The following NMT2 variants were observed in gnomAD, a reference collection of about 807,000 sequenced individuals.
The protein encoded by NMT2 is glycylpeptide N-tetradecanoyltransferase 2.
A neutral mutation model predicts 65.4 loss-of-function variants in NMT2; 35 were observed. The observed-to-expected ratio is 0.54, with a 90% CI of 0.41 to 0.71. The LOEUF (loss-of-function observed/expected upper bound fraction) is 0.71. Ranked by LOEUF, NMT2 falls within the 30% of genes least tolerant of loss-of-function variation. The pLI is 0.00. For synonymous variants in NMT2, 226 were observed against 231.8 expected (o/e 0.98, Z 0.23); for missense variants, 489 against 611.3 (o/e 0.80, Z 2.11).
chr10:15,127,246 A>C lies in NMT2; in HGVS notation c.999+1104T>G, dbSNP rs545219040. 2.8e-5 allele frequency among the ~76,000 whole-genome samples: 4 copies of C among 142,516 alleles called. No individual in the cohort carries two copies. In the East Asian group the frequency reaches 8.4e-4, roughly 30 times the overall value. The allele number at this position is 142,516 out of a possible 152,430, so 93.5% of individuals were successfully genotyped here. ...CGAGACTCTGTCTCAAAAAATAAAA[A>C]AATAAAAAAAATAACTTTTCGCCAG... is the stretch of plus-strand genomic sequence containing the variant. On this transcript the variant is annotated intron_variant, in intron 8 of 11. Transcript: ENST00000378165.
At chr10:15,168,411 C>T (rs1564598427) in intron 1 of NMT2, 92 bp downstream of exon 1, 4 of 921,216 alleles carry the variant, frequency 4.3e-6, no homozygotes, top group Non-Finnish European at 5.0e-6. Flanking sequence ...GGCCGAAGAA[C>T]CCCCAGTCCT....
intron 3 of NMT2, among the ~76,000 whole-genome samples, chr10:15,133,930 G>T (rs550206272): frequency 4.6e-5 from 7 of 152,272 alleles, no homozygotes; most frequent in African/African-American, 1.4e-4. Context: ...TTGTCATCCA[G>T]TGACAAAGAT....
rs973479031 is a variant in NMT2, at chr10:15,119,618, G to A, written c.1000-105C>T. 25 of 877,464 alleles carry A rather than the reference G, an allele frequency of 2.8e-5. No individual in the cohort carries two copies. In the East Asian group the frequency reaches 3.0e-4, roughly 11 times the overall value. The allele number at this position is 877,464 out of a possible 1,614,324, so 54.4% of individuals were successfully genotyped here. On this transcript the variant is annotated intron_variant, in intron 8 of 11. Coordinates refer to ENST00000378165, the MANE Select transcript of NMT2 (RefSeq NM_004808.3). Reference sequence around the variant, plus strand: ...TGCAGACCAGCAGAATGAGCAGCACGCGGGAGCTAGTTAGAGCTGCAGAGC... The same window carrying A: ...TGCAGACCAGCAGAATGAGCAGCACACGGGAGCTAGTTAGAGCTGCAGAGC...
chr10:15,140,024 C>T (rs1846686947), intron 2 of NMT2, among the ~76,000 whole-genome samples: 1 of 151,166 alleles, frequency 6.6e-6, no homozygotes, highest in African/African-American at 2.4e-5. Context: ...GTGCAGTACC[C>T]AGGCAAAGGC....
chr10:15,116,622 C>T (rs1845756213), intron 9 of NMT2, among the ~76,000 whole-genome samples: 1 of 152,026 alleles, frequency 6.6e-6, no homozygotes, highest in South Asian at 2.1e-4. Context: ...GAATATCCAA[C>T]AAAAGTCTGG....
intron 10 of NMT2, among the ~76,000 whole-genome samples, 195 bp from the exon 11 acceptor site, chr10:15,110,034 G>C (rs1845454120): frequency 1.3e-5 from 2 of 152,184 alleles, no homozygotes; most frequent in Admixed American, 1.3e-4. Context: ...CACTTTGGTA[G>C]GCTGAGGTGG....
intron 1 of NMT2, chr10:15,155,093 A>G: frequency 7.1e-7 from 1 of 1,416,894 alleles, no homozygotes; most frequent in Non-Finnish European, 1.0e-6. Flanking sequence ...CCCTGTAGAC[A>G]GACTTGCCAC....
In NMT2 at chr10:15,133,480, G is replaced by A; in HGVS notation, c.392-117C>T. 8.2e-6 allele frequency: 6 copies of A among 733,258 alleles called. 1 individual carries two copies. The highest frequency in any genetic ancestry group is 6.3e-5 in the South Asian group (4 of 63,382). 45.4% of individuals were successfully genotyped at this position (733,258 alleles called of 1,614,324 possible). ...AAGCAAAATCTGACTTAGGGCCCTC[G>A]GGTTTCAGATAATCTTTAAAAAGAT... On this transcript the variant is annotated intron_variant, in intron 3 of 11. Coordinates refer to ENST00000378165, the MANE Select transcript of NMT2 (RefSeq NM_004808.3).
chr10:15,154,021 G>A (rs1360752662), intron 1 of NMT2, among the ~76,000 whole-genome samples: 1 of 152,152 alleles, frequency 6.6e-6, no homozygotes, highest in Non-Finnish European at 1.5e-5. Context: ...AATAACAGCC[G>A]CTCACAACAC....
chr10:15,140,142 T>C (rs1336047103), intron 2 of NMT2, among the ~76,000 whole-genome samples: 1 of 151,828 alleles, frequency 6.6e-6, no homozygotes, highest in Non-Finnish European at 1.5e-5. Context: ...GACTGATTGA[T>C]TGATTGACAT....
intron 1 of NMT2, among the ~76,000 whole-genome samples, chr10:15,147,306 C>T (rs1489076179): frequency 6.6e-6 from 1 of 152,016 alleles, no homozygotes; most frequent in Non-Finnish European, 1.5e-5. Context: ...CCCTGAATTT[C>T]CAAGTTCCTG....
rs1466967255 is a variant in NMT2, at chr10:15,108,399, A to C, written c.*796T>G. 3.0e-5 allele frequency: 18 copies of C among 593,944 alleles called. No homozygotes were observed. Among genetic ancestry groups the C allele is most frequent in the East Asian group, 2.8e-4 (2 of 7,034 alleles). The allele number at this position is 593,944 out of a possible 1,614,324, so 36.8% of individuals were successfully genotyped here. ...ATGGGGTTTCACTATGTTGGCCAGA[A>C]TGGTCTCGATCTCCTGACCTCATGA... On this transcript the variant is annotated 3_prime_UTR_variant, in exon 12 of 12. Transcript: ENST00000378165.
Position 15,135,459 on chromosome 10 carries a change from T to C in NMT2, c.247-41A>G, listed in dbSNP as rs1034357118. The C allele has an allele frequency of 3.1e-6, 5 of 1,602,666 alleles. No homozygotes were observed. The Admixed American group carries it at 5.1e-5, about 16-fold the overall frequency. ...CAGACACAGAATATGAGAGAGCGGCTGCTGATGTTAAACTTGAGCAGACGC... is the reference window on the plus strand; with the variant it reads ...CAGACACAGAATATGAGAGAGCGGCCGCTGATGTTAAACTTGAGCAGACGC... On this transcript the variant is annotated intron_variant, in intron 2 of 11. Coordinates refer to ENST00000378165, the MANE Select transcript of NMT2 (RefSeq NM_004808.3).
Position 15,128,419 on chromosome 10 carries a change from TTC to T in NMT2, c.928_929del (p.Glu310SerfsTer8), listed in dbSNP as rs771689792. ...TTCTACTCAAGTGAGAAAATTTCAC[TTC>T]TACCAATTTTCTGGGGTTTAGTGAT... ...HRSLNPRKLV[E>X]VKFSHLSRNM... is the part of the protein sequence containing the mutation. On this transcript the variant is annotated frameshift_variant, in exon 8 of 12. Coordinates refer to ENST00000378165, the MANE Select transcript of NMT2 (RefSeq NM_004808.3). LOFTEE classifies it high-confidence loss of function. 3.7e-6 allele frequency: 6 copies of T among 1,610,986 alleles called. No individual in the cohort carries two copies.
Position 15,112,853 on chromosome 10 carries a change from G to C in NMT2, c.1281C>G (p.Ile427Met). ...SLKAAYSFYN[I>M]HTETPLLDLM... ...GGTCCAGCAGGGGCGTCTCTGTGTG[G>C]ATGTTGTAGAATGAGTAGGCGGCTT... Residue 427 changes from isoleucine (I) to methionine (M), a missense_variant, in exon 10 of 12, where the codon ATC becomes ATG. By Grantham distance (10) the Ile-to-Met change is conservative. Transcript: ENST00000378165. The C allele has an allele frequency of 1.2e-6, 2 of 1,614,164 alleles. No homozygotes were observed. Among genetic ancestry groups the C allele is most frequent in the Non-Finnish European group, 1.7e-6 (2 of 1,180,024 alleles).
chr10:15,120,956 G>C (rs1845909047), intron 8 of NMT2, among the ~76,000 whole-genome samples: 1 of 152,060 alleles, frequency 6.6e-6, no homozygotes, highest in Non-Finnish European at 1.5e-5. Context: ...TAAGCCATAG[G>C]AATAAAACAC....
Position 15,108,576 on chromosome 10 carries a change from G to A in NMT2, c.*619C>T. ...CTGGTAAAGATCAAAGTACAAACTT[G>A]CATGTTTATTGATTCGGCAACTCTG... On this transcript the variant is annotated 3_prime_UTR_variant, in exon 12 of 12. Transcript: ENST00000378165. 1 of 986,014 alleles carries A rather than the reference G, an allele frequency of 1.0e-6. No homozygotes were observed. The highest frequency in any genetic ancestry group is 1.2e-6 in the Non-Finnish European group (1 of 830,414). The allele number at this position is 986,014 out of a possible 1,614,324, so 61.1% of individuals were successfully genotyped here.
In NMT2 at chr10:15,109,092, T is replaced by G; in HGVS notation, c.*103A>C. On this transcript the variant is annotated 3_prime_UTR_variant, in exon 12 of 12. Coordinates refer to ENST00000378165, the MANE Select transcript of NMT2 (RefSeq NM_004808.3). ...TTTTCTGATTATCGACTACTTCAAT[T>G]TCACTTGAGTTGTGCTTTTATTCTT... The G allele has an allele frequency of 6.4e-7, 1 of 1,552,206 alleles. No individual in the cohort carries two copies. Among genetic ancestry groups the G allele is most frequent in the East Asian group, 2.4e-5 (1 of 42,398 alleles).
intron 8 of NMT2, among the ~76,000 whole-genome samples, chr10:15,122,828 G>A (rs574605209): frequency 7.9e-5 from 12 of 152,008 alleles, no homozygotes; most frequent in Middle Eastern, 3.4e-3. Context: ...TTAAACAAAA[G>A]ACTACAGAAA....
Sources: allele counts gnomAD v4.1 joint callset (sites outside exome capture counted in the v4.1 genomes callset), GRCh38; gene constraint gnomAD v4.1.1; transcripts MANE v1.5; gene names NCBI Gene and HGNC (gene_info 2026-07-23, HGNC 2026-07-21).